FDXR: variants seen among roughly 807,000 people sequenced by gnomAD.
FDXR encodes the protein ferredoxin reductase.
In FDXR, 38 loss-of-function variants were observed where a neutral mutation model predicts 58.3. The ratio of observed to expected loss-of-function variants is 0.65; its 90% CI spans 0.50 to 0.85. The LOEUF (loss-of-function observed/expected upper bound fraction) is 0.85, where lower values mean the gene tolerates loss of function less well. Among genes scored for constraint, FDXR ranks in the 40% least tolerant of loss-of-function variants. The pLI, the probability that FDXR is intolerant of heterozygous loss-of-function variation, is 0.00. For missense variants in FDXR, 624 were observed against 671.0 expected (o/e 0.93, Z 0.77); for synonymous variants, 275 against 273.8 (o/e 1.00, Z -0.04).
chr17:74,866,219 G>T lies in FDXR; in HGVS notation c.419C>A (p.Ala140Asp). 1 of 1,613,906 alleles carries T rather than the reference G, an allele frequency of 6.2e-7. No homozygotes were observed. Among genetic ancestry groups the T allele is most frequent in the Non-Finnish European group, 8.5e-7 (1 of 1,179,954 alleles). The stretch of plus-strand genomic sequence containing the variant: ...CAGCTCCTCACCAGGAATTTCCAGG[G>T]CCCGATGGTCCTCTGCCCCGTAGCT... ...VLSYGAEDHR[A>D]LEIPGEELPG... Residue 140 changes from alanine to aspartate, a missense_variant, in exon 5 of 12, where the codon GCC becomes GAC. Ala to Asp is a moderately radical substitution (Grantham distance 126). Coordinates refer to ENST00000293195, the MANE Select transcript of FDXR (RefSeq NM_024417.5).
rs1003724875 is a variant in FDXR, at chr17:74,872,657, T to C, written c.79+209A>G. On this transcript the variant is annotated intron_variant, in intron 1 of 11. Transcript: ENST00000293195. Reference sequence around the variant, plus strand: ...ATCTCAAAGTCTCTCCTTTTCACCTTTGTTGACCTCCGTCTCTAACCCTAG... The same window carrying C: ...ATCTCAAAGTCTCTCCTTTTCACCTCTGTTGACCTCCGTCTCTAACCCTAG... 26 of 1,125,378 alleles carry C rather than the reference T, an allele frequency of 2.3e-5. No individual in the cohort carries two copies. The African/African-American group carries it at 3.1e-4, about 13-fold the overall frequency. The allele number at this position is 1,125,378 out of a possible 1,614,324, so 69.7% of individuals were successfully genotyped here. A position where few individuals can be genotyped will look rare whatever the true frequency, so the allele number is the denominator to read the frequency against.
rs370741969 is a variant in FDXR at position 74,866,174 on chromosome 17, C to G, written c.464G>C (p.Arg155Pro). ...GEELPGVCSA[R>P]AFVGWYNGLP... ...CCCGTTGTACCAGCCCACGAAGGCC[C>G]GGGCGGAGCACACACCTGGCAGCTC... The change falls in exon 5 of 12, where the codon CGG becomes CCG. Residue 155 changes from arginine to proline, a missense_variant. By Grantham distance (103) the Arg-to-Pro change is moderately radical. Transcript: ENST00000293195. 1.7e-5 allele frequency: 28 copies of G among 1,613,830 alleles called. No individual in the cohort carries two copies. The highest frequency in any genetic ancestry group is 2.2e-5 in the South Asian group (2 of 91,074).
At chr17:74,864,689 C>T in intron 7 of FDXR, 125 bp from the exon 8 acceptor site, 2 of 1,422,532 alleles carry the variant, frequency 1.4e-6, no homozygotes, top group East Asian at 2.3e-5. Flanking sequence ...AGGCACAGGG[C>T]CCCCGGGGCC....
In FDXR at chr17:74,864,140, A is replaced by G. The variant is rs34495658; in HGVS notation, c.1002+8T>C. The G allele has an allele frequency of 2.0e-3, 3,192 of 1,612,886 alleles. 51 individuals carry two copies. The African/African-American group carries it at 0.035, about 18-fold the overall frequency. ...GAAGGGGGTGTCTTTGGGAAACATG[A>G]GACTCACCTCCAGTCTAGTGACTGC... On this transcript the variant is annotated splice_region_variant and intron_variant, in intron 9 of 11. Coordinates refer to ENST00000293195, the MANE Select transcript of FDXR (RefSeq NM_024417.5).
chr17:74,865,615 C>A, intron 6 of FDXR, 104 bp downstream of exon 6: 1 of 745,764 alleles, frequency 1.3e-6, no homozygotes, highest in Non-Finnish European at 2.2e-6. Flanking sequence ...AACAGAGGCA[C>A]TGAGCCCAGC....
At chr17:74,868,562 C>T in intron 2 of FDXR, 1 of 1,534,904 alleles carries the variant, frequency 6.5e-7, no homozygotes. Flanking sequence ...TCCTTATCTT[C>T]CATTCTTTCC....
At chr17:74,871,460 T>C (rs1380120093) in intron 2 of FDXR, among the ~76,000 whole-genome samples, 1 of 152,226 alleles carries the variant, frequency 6.6e-6, no homozygotes, top group Non-Finnish European at 1.5e-5. Flanking sequence ...CAAAGTCTGA[T>C]GTGGAGTCTC....
Position 74,862,724 on chromosome 17 carries a change from CAG to C in FDXR, c.*91_*92del, listed in dbSNP as rs2038007456. 4.1e-6 allele frequency: 6 copies of C among 1,472,412 alleles called. No homozygotes were observed. The East Asian group carries it at 1.4e-4, about 34-fold the overall frequency. 91.2% of individuals were successfully genotyped at this position (1,472,412 alleles called of 1,614,324 possible). ...CCTCCAAGCCAGGGCCGGCCGGGAT[CAG>C]CAGAGGTGCAAAGTCCCACTCAGAC... On this transcript the variant is annotated 3_prime_UTR_variant, in exon 12 of 12. Transcript: ENST00000293195.
chr17:74,866,110 G>GAAGA (rs781596335), intron 5 of FDXR, 21 bp downstream of exon 5: 1 of 1,547,708 alleles, frequency 6.5e-7, no homozygotes, highest in Non-Finnish European at 8.9e-7. Context: ...AAGAGGCAGC[G>GAAGA]GGCGTGCTCC....
At chr17:74,864,613 A>G (rs374472874) in intron 7 of FDXR, 49 bp from the exon 8 acceptor site, 414 of 1,548,382 alleles carry the variant, frequency 2.7e-4, no homozygotes, top group Middle Eastern at 3.4e-4. Flanking sequence ...CCCAGAACAC[A>G]GTCCACCTGA....
chr17:74,864,305 C>T lies in FDXR; in HGVS notation c.845G>A (p.Arg282Gln), dbSNP rs111830964. 576 of 1,584,892 alleles carry T rather than the reference C, an allele frequency of 3.6e-4. 9 individuals carry two copies. The South Asian group carries it at 5.7e-3, about 16-fold the overall frequency. ...CGGCCCTGGCTTCTCTGTGGCCGTT[C>T]GAAGCAGCAGTTCCGTCAGCCGCTT... ...PRKRLTELLL[R>Q]TATEKPGPAE... The change falls in exon 9 of 12, where the codon CGA (arginine) becomes CAA (glutamine). Residue 282 changes from arginine (R) to glutamine (Q), a missense_variant. By Grantham distance (43) the Arg-to-Gln change is conservative (BLOSUM62 1). Coordinates refer to ENST00000293195, the MANE Select transcript of FDXR (RefSeq NM_024417.5).
chr17:74,862,644 C>T lies in FDXR; in HGVS notation c.*173G>A, dbSNP rs1260194492. 28 of 873,388 alleles carry T rather than the reference C, an allele frequency of 3.2e-5. No individual in the cohort carries two copies. The East Asian group carries it at 5.4e-4, about 17-fold the overall frequency. The allele number at this position is 873,388 out of a possible 1,614,324, so 54.1% of individuals were successfully genotyped here. ...TCAGTTGCTGAAAGCTAAAACCTTGCGCGCAAGGGCGACCTTCCCCAGGAG... is the reference window on the plus strand; with the variant it reads ...TCAGTTGCTGAAAGCTAAAACCTTGTGCGCAAGGGCGACCTTCCCCAGGAG... On this transcript the variant is annotated 3_prime_UTR_variant, in exon 12 of 12. Coordinates refer to ENST00000293195, the MANE Select transcript of FDXR (RefSeq NM_024417.5).
chr17:74,872,345 AC>A (rs1256534005), intron 1 of FDXR: 2 of 1,376,414 alleles, frequency 1.5e-6, no homozygotes, highest in South Asian at 1.3e-5. Flanking sequence ...CCCACATCTC[AC>A]CCATGAACCT....
At chr17:74,863,792 T>G (rs1598513174) in intron 10 of FDXR, 104 bp downstream of exon 10, 2 of 1,415,616 alleles carry the variant, frequency 1.4e-6, no homozygotes, top group East Asian at 4.6e-5. Flanking sequence ...CTGCAGAAGC[T>G]TCTCAGTACA....
At chr17:74,872,831 G>C in intron 1 of FDXR, 35 bp downstream of exon 1, 9 of 1,543,684 alleles carry the variant, frequency 5.8e-6, no homozygotes, top group Non-Finnish European at 7.8e-6. Context: ...GCCTCCCCGC[G>C]CTCCCATCCA....
Position 74,864,272 on chromosome 17 carries a change from G to A in FDXR, c.878C>T (p.Ala293Val). Reference sequence around the variant, plus strand: ...ACGGGAGGCCGATGCCTGGCGGGCAGCTTCCGCCGGCCCTGGCTTCTCTGT... The same window carrying A: ...ACGGGAGGCCGATGCCTGGCGGGCAACTTCCGCCGGCCCTGGCTTCTCTGT... ...TATEKPGPAE[A>V]ARQASASRAW... Residue 293 changes from alanine to valine, a missense_variant, in exon 9 of 12, where the codon GCT (alanine) becomes GTT (valine). By Grantham distance (64) the Ala-to-Val change is moderately conservative. Coordinates refer to ENST00000293195, the MANE Select transcript of FDXR (RefSeq NM_024417.5). 2 of 1,596,504 alleles carry A rather than the reference G, an allele frequency of 1.3e-6. No individual in the cohort carries two copies. Among genetic ancestry groups the A allele is most frequent in the Non-Finnish European group, 1.7e-6 (2 of 1,167,908 alleles).
chr17:74,868,770 G>GC (rs903870639), intron 2 of FDXR: 23 of 1,473,024 alleles, frequency 1.6e-5, no homozygotes, highest in African/African-American at 4.2e-5. Flanking sequence ...CTTCCGATTG[G>GC]CCCCCCTCCC....
At position 74,864,936 on chromosome 17, in the gene FDXR, C is replaced by T. The variant is rs753137078; in HGVS notation, c.610-5G>A. 3.1e-6 allele frequency: 5 copies of T among 1,614,116 alleles called. No homozygotes were observed. In the South Asian group the frequency reaches 5.5e-5, roughly 18 times the overall value. ...TGCCTTCGTGATGTCCGTTCTCTGG[C>T]ACAAAAGGAGGGCCTTGGAGTCATC... is the stretch of plus-strand genomic sequence containing the variant. On this transcript the variant is annotated splice_polypyrimidine_tract_variant and splice_region_variant and intron_variant, in intron 6 of 11. Coordinates refer to ENST00000293195, the MANE Select transcript of FDXR (RefSeq NM_024417.5).
chr17:74,868,853 C>T, intron 2 of FDXR: 1 of 1,026,890 alleles, frequency 9.7e-7, no homozygotes, highest in Non-Finnish European at 1.4e-6. Context: ...ACTTTCTACT[C>T]TCTCTCTCCT....
Sources: allele counts gnomAD v4.1 joint callset (sites outside exome capture counted in the v4.1 genomes callset), GRCh38; gene constraint gnomAD v4.1.1; transcripts MANE v1.5; gene names NCBI Gene and HGNC (gene_info 2026-07-23, HGNC 2026-07-21).